The following IKBIP variants were observed in gnomAD, a reference collection of about 807,000 sequenced individuals.
IKBIP encodes the protein IKBKB interacting protein.
IKBIP carries 28 observed loss-of-function variants against 31.0 expected under a neutral mutation model. That is an observed-to-expected ratio of 0.90 (90% CI 0.67 to 1.24). The LOEUF (loss-of-function observed/expected upper bound fraction) is 1.24, where lower values mean the gene tolerates loss of function less well. Ranked by LOEUF, IKBIP falls within the 50% of genes most tolerant of loss-of-function variation. The pLI is 0.00. For missense variants in IKBIP, 453 were observed against 441.9 expected (o/e 1.03, Z -0.23); for synonymous variants, 164 against 160.3 (o/e 1.02, Z -0.17).
At chr12:98,617,474 G>T (rs556997117) in intron 2 of IKBIP, among the ~76,000 whole-genome samples, 1 of 152,202 alleles carries the variant, frequency 6.6e-6, no homozygotes, top group African/African-American at 2.4e-5. Context: ...ACACATGTGC[G>T]TGCCTATATA....
chr12:98,644,710 A>G lies in IKBIP; in HGVS notation c.-9T>C. 6.3e-7 allele frequency: 1 copy of G among 1,599,266 alleles called. No individual in the cohort carries two copies. Among genetic ancestry groups the G allele is most frequent in the South Asian group, 1.1e-5 (1 of 90,162 alleles). Reference sequence around the variant, plus strand: ...CTCTTCACCTCAGACATGTCTGGAGACCCTAGGACGACAAGCCCAGGGCAG... The same window carrying G: ...CTCTTCACCTCAGACATGTCTGGAGGCCCTAGGACGACAAGCCCAGGGCAG... On this transcript the variant is annotated 5_prime_UTR_variant, in exon 1 of 3. Coordinates refer to ENST00000299157, the MANE Select transcript of IKBIP (RefSeq NM_153687.4).
At chr12:98,638,202 C>T (rs927701254) in intron 1 of IKBIP, among the ~76,000 whole-genome samples, 32 of 152,248 alleles carry the variant, frequency 2.1e-4, no homozygotes, top group African/African-American at 7.0e-4. Flanking sequence ...TGCCTTAGCT[C>T]TGCCATTTAC....
downstream of IKBIP, among the ~76,000 whole-genome samples, chr12:98,621,130 T>G (rs1224219242): frequency 6.6e-6 from 1 of 152,036 alleles, no homozygotes; most frequent in East Asian, 1.9e-4. Context: ...GCACCTGTAA[T>G]CCCAGGTACT....
rs753900062 is a variant in IKBIP, at chr12:98,614,180, T to C, written c.458A>G (p.Asp153Gly). 8.1e-6 allele frequency: 13 copies of C among 1,614,000 alleles called. No homozygotes were observed. The East Asian group carries it at 2.9e-4, about 36-fold the overall frequency. ...TGTACTTTGGTCTACTTTTGTAATGTCTTGAGAAAGCGTCGTCAGACTGTT... is the reference window on the plus strand; with the variant it reads ...TGTACTTTGGTCTACTTTTGTAATGCCTTGAGAAAGCGTCGTCAGACTGTT... The change falls in exon 3 of 3, where the codon GAC (aspartate) becomes GGC (glycine). Residue 153 changes from aspartate to glycine, a missense_variant. Coordinates refer to the IKBIP transcript ENST00000342502.
At chr12:98,640,710 A>G (rs1044550311) in intron 1 of IKBIP, among the ~76,000 whole-genome samples, 4 of 152,178 alleles carry the variant, frequency 2.6e-5, no homozygotes, top group Middle Eastern at 3.2e-3. Flanking sequence ...CACTCAAGCC[A>G]TATGGGTTTG....
chr12:98,626,444 T>A lies in IKBIP; in HGVS notation c.620A>T (p.Asp207Val). Residue 207 changes from aspartate to valine, a missense_variant, in exon 3 of 3, where the codon GAT (aspartate) becomes GTT (valine). Transcript: ENST00000299157. ...TGTTCTAATATTTCTTAGTGTGCTA[T>A]CTTCCAAATCTTTTAGCCGTTCAGT... is the stretch of plus-strand genomic sequence containing the variant. ...LLTERLKDLEDSTLRNIRTVK... is the reference protein window; with the variant it reads ...LLTERLKDLEVSTLRNIRTVK... 6.2e-7 allele frequency: 1 copy of A among 1,613,312 alleles called. No homozygotes were observed.
intron 2 of IKBIP, among the ~76,000 whole-genome samples, chr12:98,630,774 A>T (rs2153298485): frequency 6.6e-6 from 1 of 152,342 alleles, no homozygotes; most frequent in African/African-American, 2.4e-5. Flanking sequence ...GTCTAAGGTC[A>T]CACAGTTGGG....
At chr12:98,620,546 A>G (rs942305927), downstream of IKBIP, among the ~76,000 whole-genome samples, 1 of 151,700 alleles carries the variant, frequency 6.6e-6, no homozygotes, top group Non-Finnish European at 1.5e-5. Flanking sequence ...TTGTATTTTT[A>G]GTAGAGACAC....
downstream of IKBIP, among the ~76,000 whole-genome samples, chr12:98,621,933 G>A (rs1321901681): frequency 6.6e-6 from 1 of 152,012 alleles, no homozygotes; most frequent in African/African-American, 2.4e-5. Context: ...AAAATTAGCT[G>A]GGCATGGTGG....
chr12:98,623,559 AC>A (rs2097611713), downstream of IKBIP, among the ~76,000 whole-genome samples: 3 of 87,730 alleles, frequency 3.4e-5, no homozygotes. Flanking sequence ...TCCTCCTTAC[AC>A]TTTTTTTTTT....
At chr12:98,618,766 A>G (rs533977967) in intron 2 of IKBIP, among the ~76,000 whole-genome samples, 1 of 152,302 alleles carries the variant, frequency 6.6e-6, no homozygotes, top group Admixed American at 6.5e-5. Flanking sequence ...TCTTTCTTAA[A>G]TTGTATTTGG....
chr12:98,631,777 C>T (rs2097620354), intron 2 of IKBIP, among the ~76,000 whole-genome samples: 1 of 148,500 alleles, frequency 6.7e-6, no homozygotes, highest in Admixed American at 6.7e-5. Context: ...CTGTACCACC[C>T]CTGACCTCCC....
At chr12:98,641,175 T>C (rs895718383) in intron 1 of IKBIP, among the ~76,000 whole-genome samples, 3 of 152,218 alleles carry the variant, frequency 2.0e-5, no homozygotes, top group Non-Finnish European at 4.4e-5. Flanking sequence ...AATGATATAG[T>C]GTGATTCCTT....
chr12:98,634,235 A>C, intron 2 of IKBIP, 61 bp downstream of exon 2: 1 of 798,798 alleles, frequency 1.3e-6, no homozygotes, highest in Non-Finnish European at 2.2e-6. Context: ...GCTGGGATAG[A>C]GAAATGATAG....
At chr12:98,638,449 T>G (rs2097627759) in intron 1 of IKBIP, among the ~76,000 whole-genome samples, 1 of 152,090 alleles carries the variant, frequency 6.6e-6, no homozygotes, top group African/African-American at 2.4e-5. Context: ...GCCTGGCTAA[T>G]TTTTTATAGA....
Position 98,625,535 on chromosome 12 carries a change from A to G in IKBIP, c.*395T>C, listed in dbSNP as rs776119862. 8 of 159,898 alleles carry G rather than the reference A, an allele frequency of 5.0e-5. No homozygotes were observed. Among genetic ancestry groups the G allele is most frequent in the Non-Finnish European group, 8.0e-5 (6 of 75,052 alleles). The allele number at this position is 159,898 out of a possible 1,614,324, so 9.9% of individuals were successfully genotyped here. ...TCAGGTGACAGAAAAGGTATGAGAC[A>G]TAGGTTTGAAAATGGCAAATTGGGG... On this transcript the variant is annotated 3_prime_UTR_variant, in exon 3 of 3. Transcript: ENST00000299157.
chr12:98,627,212 G>A (rs1270057611), intron 2 of IKBIP, among the ~76,000 whole-genome samples: 3 of 150,852 alleles, frequency 2.0e-5, no homozygotes, highest in South Asian at 2.1e-4. Flanking sequence ...TTAGTGATCC[G>A]TCTGCCTCGG....
At chr12:98,616,846 T>C (rs1158769079) in intron 2 of IKBIP, among the ~76,000 whole-genome samples, 1 of 152,202 alleles carries the variant, frequency 6.6e-6, no homozygotes, top group Admixed American at 6.5e-5. Context: ...ATGTTTTTTT[T>C]TTAAATGCTA....
chr12:98,620,933 C>T (rs935391427), downstream of IKBIP, among the ~76,000 whole-genome samples: 3 of 151,096 alleles, frequency 2.0e-5, no homozygotes, highest in African/African-American at 7.3e-5. Context: ...TGATATAATT[C>T]TCTCCTTTTA....
Sources: gnomAD v4.1 joint callset for allele counts (sites outside exome capture counted in the v4.1 genomes callset) on GRCh38, gnomAD v4.1.1 for gene constraint, MANE v1.5 for transcripts, NCBI Gene and HGNC (gene_info 2026-07-23, HGNC 2026-07-21) for gene names.